MALRD1: variants seen among roughly 807,000 people sequenced by gnomAD.
MALRD1 encodes the protein MAM and LDL-receptor class A domain-containing protein 1.
Under a neutral mutation model 242.1 loss-of-function variants are expected in MALRD1, and 247 were observed. The ratio of observed to expected loss-of-function variants is 1.02; its 90% CI spans 0.92 to 1.13. The LOEUF is 1.13. Among genes scored for constraint, MALRD1 ranks in the 50% most tolerant of loss-of-function variants. The probability of loss-of-function intolerance (pLI) is 0.00; values close to 1 mark genes in which losing one functional copy is unlikely to be tolerated. For missense variants in MALRD1, 2,989 were observed against 2,533.1 expected (o/e 1.18, Z -3.86); for synonymous variants, 995 against 866.6 (o/e 1.15, Z -2.60).
At chr10:19,262,117 T>C (rs1839777496) in intron 19 of MALRD1, among the ~76,000 whole-genome samples, 1 of 152,100 alleles carries the variant, frequency 6.6e-6, no homozygotes, top group African/African-American at 2.4e-5. Flanking sequence ...GGCTTTTTTC[T>C]AATTTAATTT....
At chr10:19,172,012 GATATATATCATATATCACA>G (rs1835015452) in intron 13 of MALRD1, among the ~76,000 whole-genome samples, 9 of 9,746 alleles carry the variant, frequency 9.2e-4, no homozygotes, top group Admixed American at 3.8e-3. Flanking sequence ...ACATATATGT[GATATATATCATATATCACA>G]TATATGTGAT....
intron 2 of MALRD1, among the ~76,000 whole-genome samples, chr10:19,087,346 T>A (rs1435013441): frequency 6.6e-6 from 1 of 152,086 alleles, no homozygotes; most frequent in Non-Finnish European, 1.5e-5. Context: ...ATAGGGAGTA[T>A]ATAATTGCAA....
intron 36 of MALRD1, among the ~76,000 whole-genome samples, chr10:19,618,121 G>T: frequency 6.6e-6 from 1 of 152,040 alleles, no homozygotes; most frequent in East Asian, 1.9e-4. Flanking sequence ...AAAGATAATG[G>T]CCTCTGGCTC....
chr10:19,462,134 C>G (rs1564363210), intron 29 of MALRD1, among the ~76,000 whole-genome samples: 1 of 152,214 alleles, frequency 6.6e-6, no homozygotes, highest in East Asian at 1.9e-4. Context: ...AAATCATATT[C>G]ACTATGTCTT....
chr10:19,150,709 T>C (rs1015028877), intron 11 of MALRD1, among the ~76,000 whole-genome samples: 2 of 152,222 alleles, frequency 1.3e-5, no homozygotes, highest in African/African-American at 4.8e-5. Flanking sequence ...CAGTCCATGC[T>C]AAATATGCTT....
intron 29 of MALRD1, among the ~76,000 whole-genome samples, chr10:19,460,271 C>T (rs904148399): frequency 1.3e-5 from 2 of 152,078 alleles, no homozygotes; most frequent in Non-Finnish European, 2.9e-5. Context: ...TACAGTTGAA[C>T]TTGAGTAGAT....
intron 38 of MALRD1, among the ~76,000 whole-genome samples, chr10:19,694,926 C>T (rs1833296355): frequency 6.6e-6 from 1 of 152,150 alleles, no homozygotes; most frequent in South Asian, 2.1e-4. Flanking sequence ...TTTGCAGGGA[C>T]ATGGATGAAG....
chr10:19,683,152 A>G (rs1001059711), intron 36 of MALRD1, among the ~76,000 whole-genome samples: 2 of 152,122 alleles, frequency 1.3e-5, no homozygotes, highest in Non-Finnish European at 2.9e-5. Flanking sequence ...AAAAGAAAGA[A>G]GTTTTCAAAA....
chr10:19,475,090 C>T (rs777044449), intron 29 of MALRD1, among the ~76,000 whole-genome samples: 25 of 152,196 alleles, frequency 1.6e-4, no homozygotes, highest in Middle Eastern at 3.2e-3. Context: ...GCAGATTTTG[C>T]TGAAGGATTT....
chr10:19,066,138 A>G (rs1834972842), intron 1 of MALRD1, among the ~76,000 whole-genome samples: 2 of 152,212 alleles, frequency 1.3e-5, no homozygotes, highest in African/African-American at 2.4e-5. Context: ...ACAATTTACA[A>G]TACCTCAGAC....
intron 36 of MALRD1, among the ~76,000 whole-genome samples, chr10:19,663,144 A>C (rs1841522818): frequency 6.6e-6 from 1 of 152,068 alleles, no homozygotes; most frequent in African/African-American, 2.4e-5. Context: ...CATTGCACCC[A>C]ATTGGTAATT....
chr10:19,106,050 A>T (rs567996619), intron 5 of MALRD1, among the ~76,000 whole-genome samples: 101 of 151,732 alleles, frequency 6.7e-4, no homozygotes, highest in African/African-American at 2.4e-3. Context: ...GACTGGTTTT[A>T]TTTGTTTATT....
intron 35 of MALRD1, among the ~76,000 whole-genome samples, chr10:19,609,585 C>A (rs1014398342): frequency 2.0e-5 from 3 of 152,016 alleles, no homozygotes; most frequent in Non-Finnish European, 4.4e-5. Context: ...TCTGGCCTCA[C>A]CTACCTTGAG....
intron 38 of MALRD1, among the ~76,000 whole-genome samples, chr10:19,726,435 A>T (rs1299902028): frequency 6.6e-6 from 1 of 152,306 alleles, no homozygotes; most frequent in East Asian, 1.9e-4. Flanking sequence ...ATAATAATTT[A>T]AAAACTGAAA....
intron 13 of MALRD1, among the ~76,000 whole-genome samples, chr10:19,168,065 T>C (rs1394384825): frequency 6.6e-6 from 1 of 152,228 alleles, no homozygotes; most frequent in Non-Finnish European, 1.5e-5. Flanking sequence ...TAAATGTTAG[T>C]GTTCTCTGTT....
At chr10:19,238,490 T>C (rs1206342153) in intron 18 of MALRD1, among the ~76,000 whole-genome samples, 1 of 9,492 alleles carries the variant, frequency 1.1e-4, no homozygotes, top group Non-Finnish European at 1.7e-4. Context: ...ACATTATATA[T>C]AATATATAAT....
intron 38 of MALRD1, among the ~76,000 whole-genome samples, chr10:19,706,621 G>C (rs1833878710): frequency 6.6e-6 from 1 of 152,062 alleles, no homozygotes. Context: ...TAAAGTGCTA[G>C]GATTACAGGT....
intron 2 of MALRD1, among the ~76,000 whole-genome samples, chr10:19,070,836 C>CTT (rs3042437): frequency 7.6e-5 from 4 of 52,464 alleles, no homozygotes; most frequent in Admixed American, 3.3e-4. Context: ...AAATGACAAA[C>CTT]TTTTTTTTTT....
rs192231756 is a variant in MALRD1, at chr10:19,455,936, C to T, written c.5029+5446C>T. On this transcript the variant is annotated intron_variant, in intron 29 of 39. Coordinates refer to ENST00000454679, the MANE Select transcript of MALRD1 (RefSeq NM_001142308.3). ...ATTTGTCTCCTTCCCCAGTGTGTTC[C>T]CCTCCATGTTTTCTACTTACAGGAC... is the stretch of plus-strand genomic sequence containing the variant. 3.3e-5 allele frequency among the ~76,000 whole-genome samples: 5 copies of T among 152,200 alleles called. No homozygotes were observed. In the East Asian group the frequency reaches 9.7e-4, roughly 29 times the overall value.
Sources: allele counts gnomAD v4.1 joint callset (sites outside exome capture counted in the v4.1 genomes callset), GRCh38; gene constraint gnomAD v4.1.1; transcripts MANE v1.5; gene names NCBI Gene and HGNC (gene_info 2026-07-23, HGNC 2026-07-21).